PLA2G6: variants seen among roughly 807,000 people sequenced by gnomAD.
The protein encoded by PLA2G6 is phospholipase A2 group VI, also known as 85/88 kDa calcium-independent phospholipase A2.
In PLA2G6, 62 loss-of-function variants were observed where a neutral mutation model predicts 83.8. The observed-to-expected ratio is 0.74, with a 90% CI of 0.60 to 0.91. The LOEUF (loss-of-function observed/expected upper bound fraction) is 0.91, where lower values mean the gene tolerates loss of function less well. Among genes scored for constraint, PLA2G6 ranks in the 40% least tolerant of loss-of-function variants. The probability of loss-of-function intolerance (pLI) is 0.00; values close to 1 mark genes in which losing one functional copy is unlikely to be tolerated. For missense variants in PLA2G6, 944 were observed against 1,102.0 expected (o/e 0.86, Z 2.03); for synonymous variants, 417 against 449.8 (o/e 0.93, Z 0.92).
At chr22:38,137,538 A>G (rs1442991541) in intron 5 of PLA2G6, 1 of 152,236 alleles carries the variant, frequency 6.6e-6, no homozygotes, top group African/African-American at 2.4e-5. Flanking sequence ...GCTGCATTGA[A>G]AAACAGCAGA....
chr22:38,115,875 G>A (rs765557069), intron 13 of PLA2G6, 194 bp from the exon 14 acceptor site: 121 of 1,479,232 alleles, frequency 8.2e-5, no homozygotes, highest in Non-Finnish European at 1.0e-4. Context: ...TACAGCTGAG[G>A]ACTTTCCAGG....
At chr22:38,150,930 T>C (rs893355513) in intron 2 of PLA2G6, among the ~76,000 whole-genome samples, 3 of 152,090 alleles carry the variant, frequency 2.0e-5, no homozygotes, top group Admixed American at 1.3e-4. Flanking sequence ...CTACTAAAAA[T>C]ACAAAAATTA....
rs765560166 is a variant in PLA2G6, at chr22:38,126,409, T to C, written c.1389A>G (p.Pro463=). 6.2e-7 allele frequency: 1 copy of C among 1,613,760 alleles called. No individual in the cohort carries two copies. Among genetic ancestry groups the C allele is most frequent in the Admixed American group, 1.7e-5 (1 of 60,020 alleles). ...CCCTCATGGAGCCCAGGATGAACGCTGGCTTCCGGGCCCGTGAGATGTGCA... is the reference window on the plus strand; with the variant it reads ...CCCTCATGGAGCCCAGGATGAACGCCGGCTTCCGGGCCCGTGAGATGTGCA... ...DLMHISRARK[P]AFILGSMRDE... is the part of the protein sequence containing the mutation. The change falls in exon 10 of 17, where the codon CCA becomes CCG. Residue 463 remains proline (P), a synonymous_variant. Coordinates refer to ENST00000332509, the MANE Select transcript of PLA2G6 (RefSeq NM_003560.4).
In PLA2G6 at chr22:38,114,600, G is replaced by A. The variant is rs535571447; in HGVS notation, c.2034+927C>T. On this transcript the variant is annotated intron_variant, in intron 14 of 16. Coordinates refer to ENST00000332509, the MANE Select transcript of PLA2G6 (RefSeq NM_003560.4). ...CCATCCGCACGCAATAGGAGAGTTA[G>A]ACTGGCTAGTGTCTGACAGTCTGAC... Among the ~76,000 whole-genome samples, 67 of 152,308 alleles carry A rather than the reference G, an allele frequency of 4.4e-4. 1 individual carries two copies. Among genetic ancestry groups the A allele is most frequent in the African/African-American group, 1.5e-3 (63 of 41,572 alleles).
chr22:38,181,035 G>A (rs973543662), intron 1 of PLA2G6, among the ~76,000 whole-genome samples: 2 of 152,080 alleles, frequency 1.3e-5, no homozygotes. Context: ...TTAAAAATAC[G>A]GCCACAGGTC....
At position 38,140,064 on chromosome 22, in the gene PLA2G6, G is replaced by A. The variant is rs751999184; in HGVS notation, c.715C>T (p.Leu239=). 3 of 1,613,918 alleles carry A rather than the reference G, an allele frequency of 1.9e-6. No homozygotes were observed. The highest frequency in any genetic ancestry group is 1.3e-5 in the African/African-American group (1 of 75,026). ...TTGCACCGAGCATTGCACAGCAGCA[G>A]CACGCGGACCATCTCCTGCTTCCCC... ...QLGKQEMVRV[L]LLCNARCNIM... is the part of the protein sequence containing the mutation. The change falls in exon 5 of 17, where the codon CTG becomes TTG. Residue 239 remains leucine, a synonymous_variant. Coordinates refer to ENST00000332509, the MANE Select transcript of PLA2G6 (RefSeq NM_003560.4).
At chr22:38,112,413 G>C in intron 16 of PLA2G6, 91 bp downstream of exon 16, 1 of 1,517,344 alleles carries the variant, frequency 6.6e-7, no homozygotes, top group African/African-American at 1.4e-5. Flanking sequence ...CTTGGGGAAG[G>C]GAAAGTCCAC....
intron 15 of PLA2G6, 74 bp downstream of exon 15, chr22:38,113,413 C>T: frequency 1.4e-6 from 2 of 1,445,610 alleles, no homozygotes; most frequent in Non-Finnish European, 9.7e-7. Context: ...AAAGGCCCCA[C>T]AGGATGAGGG....
intron 1 of PLA2G6, among the ~76,000 whole-genome samples, chr22:38,176,412 G>A (rs757029068): frequency 7.9e-5 from 12 of 152,300 alleles, no homozygotes; most frequent in South Asian, 2.1e-4. Flanking sequence ...AGAACTGCCC[G>A]AGGTGGAAAT....
intron 5 of PLA2G6, chr22:38,136,085 T>C (rs1301346213): frequency 6.6e-6 from 1 of 152,190 alleles, no homozygotes; most frequent in Non-Finnish European, 1.5e-5. Flanking sequence ...GGACAAACGC[T>C]GTATGATTTC....
intron 2 of PLA2G6, among the ~76,000 whole-genome samples, chr22:38,152,302 G>GA (rs1452807085): frequency 6.6e-6 from 1 of 151,972 alleles, no homozygotes; most frequent in African/African-American, 2.4e-5. Flanking sequence ...CTGGATTCAA[G>GA]AAATTCTCCT....
chr22:38,156,310 G>A (rs1258219228), intron 2 of PLA2G6, among the ~76,000 whole-genome samples: 1 of 152,158 alleles, frequency 6.6e-6, no homozygotes, highest in Non-Finnish European at 1.5e-5. Context: ...TTAGTCTGCA[G>A]TATAGATCAG....
chr22:38,113,060 C>T (rs1276878390), intron 15 of PLA2G6, among the ~76,000 whole-genome samples: 1 of 152,154 alleles, frequency 6.6e-6, no homozygotes, highest in Non-Finnish European at 1.5e-5. Flanking sequence ...GCACACACCA[C>T]CATGTCCAGC....
intron 2 of PLA2G6, among the ~76,000 whole-genome samples, chr22:38,166,666 T>A (rs1033668425): frequency 6.6e-6 from 1 of 151,944 alleles, no homozygotes; most frequent in Admixed American, 6.6e-5. Context: ...GAGGCAGAGG[T>A]TGCTGTAAGC....
intron 1 of PLA2G6, among the ~76,000 whole-genome samples, chr22:38,179,922 C>T (rs757523890): frequency 1.3e-4 from 20 of 151,734 alleles, no homozygotes; most frequent in Non-Finnish European, 2.8e-4. Flanking sequence ...AGAATAGAGA[C>T]GGCACTTAAA....
In PLA2G6 at chr22:38,132,181, A is replaced by G; in HGVS notation, c.1077+650T>C. 1 of 448,996 alleles carries G rather than the reference A, an allele frequency of 2.2e-6. No individual in the cohort carries two copies. Among genetic ancestry groups the G allele is most frequent in the Non-Finnish European group, 4.5e-6 (1 of 223,890 alleles). The allele number at this position is 448,996 out of a possible 1,614,324, so 27.8% of individuals were successfully genotyped here. A position where few individuals can be genotyped will look rare whatever the true frequency, so the allele number is the denominator to read the frequency against. ...GTAACGTCCTCCTCTGCTAGGTTTA[A>G]TATGTTCATACTCTAGATGTGTAAC... On this transcript the variant is annotated intron_variant, in intron 7 of 16. Coordinates refer to ENST00000332509, the MANE Select transcript of PLA2G6 (RefSeq NM_003560.4). This position sits in a 1 kb window ranked among gnomAD's most constrained non-coding sequence, Gnocchi z 5.0.
chr22:38,155,541 TAG>T (rs2089744008), intron 2 of PLA2G6, among the ~76,000 whole-genome samples: 1 of 152,152 alleles, frequency 6.6e-6, no homozygotes, highest in Non-Finnish European at 1.5e-5. Context: ...AGTTAAAATG[TAG>T]AGTTTTTATT....
chr22:38,134,976 G>T lies in PLA2G6; in HGVS notation c.894+12C>A. ...CCCCCTGCCCCACCCACCCACCTCAGGATCCACTCACCTCTGCGTTCTTGG... is the reference window on the plus strand; with the variant it reads ...CCCCCTGCCCCACCCACCCACCTCATGATCCACTCACCTCTGCGTTCTTGG... On this transcript the variant is annotated intron_variant, in intron 6 of 16. Transcript: ENST00000332509. 2 of 644,400 alleles carry T rather than the reference G, an allele frequency of 3.1e-6. No individual in the cohort carries two copies. The highest frequency in any genetic ancestry group is 5.6e-6 in the Non-Finnish European group (2 of 359,650). The allele number at this position is 644,400 out of a possible 1,614,324, so 39.9% of individuals were successfully genotyped here.
In PLA2G6 at chr22:38,142,869, G is replaced by A. The variant is rs999152754; in HGVS notation, c.609+236C>T. On this transcript the variant is annotated intron_variant, in intron 4 of 16. Coordinates refer to ENST00000332509, the MANE Select transcript of PLA2G6 (RefSeq NM_003560.4). The stretch of plus-strand genomic sequence containing the variant: ...CCTTTTTTGGGGTTTATTTTGCTGG[G>A]TTGGAGGCCGTCCCCAGGTTTATCA... 3.0e-5 allele frequency: 18 copies of A among 595,346 alleles called. No individual in the cohort carries two copies. In the Admixed American group the frequency reaches 4.6e-4, roughly 15 times the overall value. 36.9% of individuals were successfully genotyped at this position (595,346 alleles called of 1,614,324 possible). A position where few individuals can be genotyped will look rare whatever the true frequency, so the allele number is the denominator to read the frequency against.
Sources: gnomAD v4.1 joint callset for allele counts (sites outside exome capture counted in the v4.1 genomes callset) on GRCh38, gnomAD v4.1.1 for gene constraint, Gnocchi (gnomAD v3.1) non-coding constraint, MANE v1.5 for transcripts, NCBI Gene and HGNC (gene_info 2026-07-23, HGNC 2026-07-21) for gene names.